ZFP14: variants seen among roughly 807,000 people sequenced by gnomAD.
ZFP14 encodes the protein zinc finger protein 14 homolog.
Under a neutral mutation model 54.5 loss-of-function variants are expected in ZFP14, and 22 were observed. The ratio of observed to expected loss-of-function variants is 0.40; its 90% CI spans 0.29 to 0.58. The LOEUF (loss-of-function observed/expected upper bound fraction) is 0.58, where lower values mean the gene tolerates loss of function less well. Ranked by LOEUF, ZFP14 falls within the 20% of genes least tolerant of loss-of-function variation. The probability of loss-of-function intolerance (pLI) is 0.39; values close to 1 mark genes in which losing one functional copy is unlikely to be tolerated. For missense variants in ZFP14, 470 were observed against 637.8 expected (o/e 0.74, Z 2.83); for synonymous variants, 159 against 204.0 (o/e 0.78, Z 1.88).
At chr19:36,363,741 G>A (rs958108859) in intron 2 of ZFP14, among the ~76,000 whole-genome samples, 15 of 151,798 alleles carry the variant, frequency 9.9e-5, no homozygotes, top group African/African-American at 3.6e-4. Flanking sequence ...TGTAATCCCA[G>A]CACTTTGGGA....
rs562104394 is a variant in ZFP14, at chr19:36,356,453, G to A, written c.235+3982C>T. Among the ~76,000 whole-genome samples the A allele has an allele frequency of 7.3e-5, 11 of 151,602 alleles. No homozygotes were observed. The East Asian group carries it at 1.9e-3, about 27-fold the overall frequency. On this transcript the variant is annotated intron_variant, in intron 4 of 4. Transcript: ENST00000270001. Reference sequence around the variant, plus strand: ...AAAAAAAAAAAAGAAAGAAATTAATGTTGGTATATTCCATAGAGCTTACTT... The same window carrying A: ...AAAAAAAAAAAAGAAAGAAATTAATATTGGTATATTCCATAGAGCTTACTT...
rs2031192265 is a variant in ZFP14 at position 36,336,234 on chromosome 19, G to GT, written c.*3989dup. The GT allele has an allele frequency of 8.3e-6, 1 of 119,788 alleles. No homozygotes were observed. Among genetic ancestry groups the GT allele is most frequent in the Non-Finnish European group, 1.7e-5 (1 of 58,594 alleles). The allele number at this position is 119,788 out of a possible 1,614,324, so 7.4% of individuals were successfully genotyped here. ...TTCTACTTTCTACTGTTACTTGGCT[G>GT]TTCCTTTTTTTTTTTTTTTTTTTTT... is the stretch of plus-strand genomic sequence containing the variant. On this transcript the variant is annotated 3_prime_UTR_variant, in exon 5 of 5. Transcript: ENST00000270001.
chr19:36,344,084 C>G (rs778957041), intron 4 of ZFP14, among the ~76,000 whole-genome samples: 3 of 152,148 alleles, frequency 2.0e-5, no homozygotes, highest in African/African-American at 7.2e-5. Context: ...CTCACTGCAA[C>G]CTCTGCCTCC....
intron 2 of ZFP14, among the ~76,000 whole-genome samples, 196 bp downstream of exon 2, chr19:36,367,688 T>C (rs1253239409): frequency 6.6e-6 from 1 of 152,150 alleles, no homozygotes; most frequent in Non-Finnish European, 1.5e-5. Context: ...GGTCTCGAAC[T>C]CCTGACCTCA....
chr19:36,345,369 T>C (rs943642793), intron 4 of ZFP14, among the ~76,000 whole-genome samples: 2 of 152,156 alleles, frequency 1.3e-5, no homozygotes, highest in African/African-American at 2.4e-5. Context: ...ATGCTAACAT[T>C]GAAAGGCTTA....
chr19:36,370,437 C>A (rs1385783374), intron 1 of ZFP14, among the ~76,000 whole-genome samples: 1 of 152,242 alleles, frequency 6.6e-6, no homozygotes, highest in African/African-American at 2.4e-5. Context: ...ATCATGCAGC[C>A]CAGGCTTCAG....
Position 36,351,359 on chromosome 19 carries a change from C to T in ZFP14, c.235+9076G>A, listed in dbSNP as rs1329509103. Reference sequence around the variant, plus strand: ...ACTAAAAACTACAAAAATTAGCCGGCATGGTGGTGCATGCCTGTAGTCCCA... The same window carrying T: ...ACTAAAAACTACAAAAATTAGCCGGTATGGTGGTGCATGCCTGTAGTCCCA... On this transcript the variant is annotated intron_variant, in intron 4 of 4. Coordinates refer to ENST00000270001, the MANE Select transcript of ZFP14 (RefSeq NM_020917.3). 2.8e-5 allele frequency among the ~76,000 whole-genome samples: 4 copies of T among 141,082 alleles called. 1 individual carries two copies. The highest frequency in any genetic ancestry group is 6.3e-5 in the Non-Finnish European group (4 of 63,770). The allele number at this position is 141,082 out of a possible 152,430, so 92.6% of individuals were successfully genotyped here.
intron 4 of ZFP14, among the ~76,000 whole-genome samples, chr19:36,343,157 T>C (rs920215705): frequency 2.0e-5 from 3 of 152,242 alleles, no homozygotes; most frequent in Non-Finnish European, 4.4e-5. Flanking sequence ...AAACCATCTA[T>C]AGGACAAAGT....
intron 4 of ZFP14, among the ~76,000 whole-genome samples, chr19:36,355,488 G>A (rs551562313): frequency 2.8e-5 from 4 of 141,374 alleles, no homozygotes; most frequent in Non-Finnish European, 4.7e-5. Context: ...GAACAGCCTA[G>A]GGAATACAGG....
intron 4 of ZFP14, among the ~76,000 whole-genome samples, chr19:36,351,407 G>A (rs1275565812): frequency 1.4e-5 from 2 of 142,404 alleles, no homozygotes. Context: ...GCCGAGGTGG[G>A]AGAATTGCTT....
intron 4 of ZFP14, among the ~76,000 whole-genome samples, chr19:36,358,027 G>A (rs1320756493): frequency 5.3e-5 from 8 of 151,612 alleles, no homozygotes; most frequent in Non-Finnish European, 8.8e-5. Flanking sequence ...CCAGGCATGA[G>A]CCACCATGCC....
intron 1 of ZFP14, among the ~76,000 whole-genome samples, chr19:36,371,854 C>T (rs1218402305): frequency 6.6e-6 from 1 of 151,700 alleles, no homozygotes; most frequent in Non-Finnish European, 1.5e-5. Flanking sequence ...GCTACATGGG[C>T]GGCTGAAGCA....
chr19:36,377,870 A>AAAAC (rs2031988100), intron 1 of ZFP14, among the ~76,000 whole-genome samples: 2 of 152,048 alleles, frequency 1.3e-5, no homozygotes. Flanking sequence ...AAAACAAAAC[A>AAAAC]AAACAAACCT....
chr19:36,353,697 C>CAAA (rs35323856), intron 4 of ZFP14, among the ~76,000 whole-genome samples: 9 of 80,832 alleles, frequency 1.1e-4, no homozygotes, highest in East Asian at 3.8e-4. Context: ...GACTCCATCT[C>CAAA]AAAAAAAAAA....
At chr19:36,343,088 G>A (rs1175677078) in intron 4 of ZFP14, among the ~76,000 whole-genome samples, 2 of 152,190 alleles carry the variant, frequency 1.3e-5, no homozygotes, top group Non-Finnish European at 2.9e-5. Flanking sequence ...TGTTTTAAGT[G>A]TGGATAAGAA....
rs1490531088 is a variant in ZFP14, at chr19:36,360,451, T to C, written c.219A>G (p.Thr73=). 1 of 1,613,620 alleles carries C rather than the reference T, an allele frequency of 6.2e-7. No homozygotes were observed. Among genetic ancestry groups the C allele is most frequent in the Admixed American group, 1.7e-5 (1 of 59,978 alleles). ...CTCACTCACCAGGGCAGTATCTTCT[T>C]GTCCCTTCCCTCACAACCATCCCAG... ...KEPGMVVREG[T]RRYCPDLESR... Residue 73 remains threonine, a synonymous_variant, in exon 4 of 5, where the codon ACA becomes ACG. Coordinates refer to ENST00000270001, the MANE Select transcript of ZFP14 (RefSeq NM_020917.3).
chr19:36,372,244 G>A (rs2031891305), intron 1 of ZFP14, among the ~76,000 whole-genome samples: 1 of 151,064 alleles, frequency 6.6e-6, no homozygotes. Flanking sequence ...AAATAATAAA[G>A]ATTAGGGCAG....
intron 4 of ZFP14, among the ~76,000 whole-genome samples, chr19:36,353,697 C>CA (rs35323856): frequency 0.56 from 45,288 of 80,658 alleles, 13,194 homozygotes; most frequent in Admixed American, 0.6. Context: ...GACTCCATCT[C>CA]AAAAAAAAAA....
chr19:36,364,124 T>C (rs533630836), intron 2 of ZFP14, among the ~76,000 whole-genome samples: 221 of 152,346 alleles, frequency 1.5e-3, no homozygotes, highest in Admixed American at 3.3e-3. Flanking sequence ...TTGAGGTATC[T>C]ATTTGCAGTC....
Sources: gnomAD v4.1 joint callset for allele counts (sites outside exome capture counted in the v4.1 genomes callset) on GRCh38, gnomAD v4.1.1 for gene constraint, MANE v1.5 for transcripts, NCBI Gene and HGNC (gene_info 2026-07-23, HGNC 2026-07-21) for gene names.